Variants in PRKCE observed in about 807,000 individuals in gnomAD.
The protein encoded by PRKCE is protein kinase C epsilon type.
In PRKCE, 16 loss-of-function variants were observed where a neutral mutation model predicts 85.4. That is an observed-to-expected ratio of 0.19 (90% CI 0.13 to 0.28). The LOEUF is 0.28. Ranked by LOEUF, PRKCE falls within the 10% of genes least tolerant of loss-of-function variation. The probability of loss-of-function intolerance (pLI) is 1.00; values close to 1 mark genes in which losing one functional copy is unlikely to be tolerated. For synonymous variants in PRKCE, 388 were observed against 371.5 expected (o/e 1.04, Z -0.51); for missense variants, 573 against 975.2 (o/e 0.59, Z 5.49).
intron 2 of PRKCE, among the ~76,000 whole-genome samples, chr2:45,961,051 G>C (rs1018070177): frequency 6.6e-6 from 1 of 152,182 alleles, no homozygotes; most frequent in African/African-American, 2.4e-5. Context: ...CAGGACTTTA[G>C]CGTCTCTGAA....
At chr2:45,804,629 G>A (rs1021836414) in intron 1 of PRKCE, among the ~76,000 whole-genome samples, 1 of 152,212 alleles carries the variant, frequency 6.6e-6, no homozygotes, top group Admixed American at 6.5e-5. Context: ...CCAGCTCCTT[G>A]TAGAGGCTGA....
chr2:45,765,150 A>G (rs559185901), intron 1 of PRKCE, among the ~76,000 whole-genome samples: 1 of 152,308 alleles, frequency 6.6e-6, no homozygotes, highest in South Asian at 2.1e-4. Context: ...TACGTTCTTA[A>G]GCCATGCATA....
chr2:45,706,933 A>T (rs1246405296), intron 1 of PRKCE, among the ~76,000 whole-genome samples: 3 of 152,214 alleles, frequency 2.0e-5, no homozygotes, highest in African/African-American at 7.2e-5. Flanking sequence ...CCCAAACAGA[A>T]TAAGCAATGA....
rs891505259 is a variant in PRKCE, at chr2:45,802,103, A to G, written c.349-40897A>G. On this transcript the variant is annotated intron_variant, in intron 1 of 14. Coordinates refer to ENST00000306156, the MANE Select transcript of PRKCE (RefSeq NM_005400.3). ...TATCTTAAAAAAAAAAAAAAAAAAA[A>G]CACCCAAAAACTTAGCAGGGTGTGG... Among the ~76,000 whole-genome samples the G allele has an allele frequency of 2.0e-4, 29 of 148,066 alleles. No individual in the cohort carries two copies. In the South Asian group the frequency reaches 5.7e-3, roughly 29 times the overall value.
chr2:45,678,668 G>C (rs1326245310), intron 1 of PRKCE, among the ~76,000 whole-genome samples: 1 of 151,698 alleles, frequency 6.6e-6, no homozygotes, highest in Non-Finnish European at 1.5e-5. Context: ...TTACTGTCCA[G>C]AAGTTTATCA....
chr2:46,135,352 A>G (rs113016816), intron 11 of PRKCE, among the ~76,000 whole-genome samples: 6 of 152,316 alleles, frequency 3.9e-5, no homozygotes, highest in African/African-American at 1.4e-4. Flanking sequence ...CAGTGAAGTG[A>G]TTCAGAGCAT....
chr2:45,794,488 A>G (rs1000807227), intron 1 of PRKCE, among the ~76,000 whole-genome samples: 11 of 152,108 alleles, frequency 7.2e-5, no homozygotes, highest in African/African-American at 2.7e-4. Flanking sequence ...CAGGGTGCCA[A>G]TTCGTTCTCA....
chr2:45,814,437 C>T (rs1465811283), intron 1 of PRKCE, among the ~76,000 whole-genome samples: 1 of 152,228 alleles, frequency 6.6e-6, no homozygotes, highest in Admixed American at 6.5e-5. Context: ...AGCCTTACCT[C>T]TGTCCTGATC....
At chr2:46,091,509 A>G (rs921245180) in intron 11 of PRKCE, among the ~76,000 whole-genome samples, 5 of 152,316 alleles carry the variant, frequency 3.3e-5, no homozygotes, top group Middle Eastern at 3.4e-3. Flanking sequence ...CTTGGCAGCC[A>G]GGAAGGTATC....
At chr2:46,114,633 A>G (rs1354813741) in intron 11 of PRKCE, among the ~76,000 whole-genome samples, 1 of 150,924 alleles carries the variant, frequency 6.6e-6, no homozygotes, top group Non-Finnish European at 1.5e-5. Context: ...GTTAGCCAGG[A>G]TGGTCTCGAT....
chr2:45,712,370 G>A (rs1679737905), intron 1 of PRKCE, among the ~76,000 whole-genome samples: 2 of 151,644 alleles, frequency 1.3e-5, no homozygotes, highest in Admixed American at 6.5e-5. Flanking sequence ...GGCCAGGCTG[G>A]TCTCGAACTT....
At chr2:45,764,233 A>G (rs12105815) in intron 1 of PRKCE, among the ~76,000 whole-genome samples, 13,911 of 152,212 alleles carry the variant, frequency 0.091, 2,134 homozygotes, top group African/African-American at 0.32. Context: ...CACCTGTACG[A>G]ATGTCCGTAG....
chr2:45,986,325 T>C (rs113009359), intron 6 of PRKCE, among the ~76,000 whole-genome samples: 113 of 152,278 alleles, frequency 7.4e-4, no homozygotes, highest in African/African-American at 2.6e-3. Context: ...AGATGTTTTT[T>C]CAGAATGTTT....
At chr2:45,986,658 G>A (rs1333642103) in intron 6 of PRKCE, among the ~76,000 whole-genome samples, 1 of 152,188 alleles carries the variant, frequency 6.6e-6, no homozygotes, top group African/African-American at 2.4e-5. Flanking sequence ...AGAAGTGGGG[G>A]TGTGAGAGGC....
chr2:45,714,823 G>A (rs917418796), intron 1 of PRKCE, among the ~76,000 whole-genome samples: 2 of 152,234 alleles, frequency 1.3e-5, no homozygotes, highest in Non-Finnish European at 2.9e-5. Flanking sequence ...TCTAATGTCT[G>A]TATCCCTCGG....
rs1258115029 is a variant in PRKCE at position 46,085,736 on chromosome 2, GTTTTTTTTTTTTGTTTTTGTTTTTT to G, written c.1438-460_1438-436del. 2.9e-5 allele frequency among the ~76,000 whole-genome samples: 3 copies of G among 104,572 alleles called. No individual in the cohort carries two copies. In the Admixed American group the frequency reaches 2.9e-4, roughly 10 times the overall value. The allele number at this position is 104,572 out of a possible 152,430, so 68.6% of individuals were successfully genotyped here. A position where few individuals can be genotyped will look rare whatever the true frequency, so the allele number is the denominator to read the frequency against. ...TCACTTAATTACATCTGCAAAATCCGTTTTTTTTTTTTGTTTTTGTTTTTTTTTTTTTTTTTAGCCATATAAGGTA... is the reference window on the plus strand; with the variant it reads ...TCACTTAATTACATCTGCAAAATCCGTTTTTTTTTTTAGCCATATAAGGTA... On this transcript the variant is annotated intron_variant, in intron 10 of 14. Coordinates refer to ENST00000306156, the MANE Select transcript of PRKCE (RefSeq NM_005400.3).
chr2:45,754,726 G>T (rs1309468181), intron 1 of PRKCE, among the ~76,000 whole-genome samples: 1 of 152,202 alleles, frequency 6.6e-6, no homozygotes, highest in East Asian at 1.9e-4. Flanking sequence ...CAAATCAAAG[G>T]TCCCTCGCTG....
intron 1 of PRKCE, among the ~76,000 whole-genome samples, chr2:45,664,501 G>T (rs1272904770): frequency 2.6e-5 from 4 of 152,220 alleles, no homozygotes; most frequent in Non-Finnish European, 5.9e-5. Flanking sequence ...ATAACCAACT[G>T]AAGGGTTGCC....
intron 1 of PRKCE, among the ~76,000 whole-genome samples, chr2:45,810,519 CT>C (rs1210359181): frequency 6.6e-6 from 1 of 151,994 alleles, no homozygotes; most frequent in Non-Finnish European, 1.5e-5. Flanking sequence ...TGAGGTGAGC[CT>C]ATAATTAGCT....
Sources: allele counts gnomAD v4.1 joint callset (sites outside exome capture counted in the v4.1 genomes callset), GRCh38; gene constraint gnomAD v4.1.1; transcripts MANE v1.5; gene names NCBI Gene and HGNC (gene_info 2026-07-23, HGNC 2026-07-21).